PTPRR: variants seen among roughly 807,000 people sequenced by gnomAD.
PTPRR encodes protein tyrosine phosphatase receptor type R.
Under a neutral mutation model 77.2 loss-of-function variants are expected in PTPRR, and 38 were observed. The ratio of observed to expected loss-of-function variants is 0.49; its 90% CI spans 0.38 to 0.65. The LOEUF (loss-of-function observed/expected upper bound fraction) is 0.65, where lower values mean the gene tolerates loss of function less well. Among genes scored for constraint, PTPRR ranks in the 30% least tolerant of loss-of-function variants. The probability of loss-of-function intolerance (pLI) is 0.00; values close to 1 mark genes in which losing one functional copy is unlikely to be tolerated. For missense variants in PTPRR, 744 were observed against 799.2 expected, an observed-to-expected ratio of 0.93 and a Z score of 0.83; for synonymous variants, 299 against 283.1, an observed-to-expected ratio of 1.06 and a Z score of -0.57.
intron 2 of PTPRR, among the ~76,000 whole-genome samples, chr12:70,776,205 C>G (rs757200631): frequency 1.3e-5 from 2 of 152,152 alleles, no homozygotes; most frequent in Non-Finnish European, 2.9e-5. Flanking sequence ...CCCGACTCTT[C>G]TTTCTTTATT....
At chr12:70,848,710 A>C (rs1307322432) in intron 2 of PTPRR, among the ~76,000 whole-genome samples, 1 of 152,262 alleles carries the variant, frequency 6.6e-6, no homozygotes, top group Non-Finnish European at 1.5e-5. Flanking sequence ...CCATTTGGTT[A>C]TACTAAAAAT....
chr12:70,749,841 A>G (rs530533235), intron 5 of PTPRR, among the ~76,000 whole-genome samples: 4 of 152,226 alleles, frequency 2.6e-5, no homozygotes, highest in Non-Finnish European at 5.9e-5. Flanking sequence ...TCTGGCCTGT[A>G]GACATCTCTA....
Position 70,639,069 on chromosome 12 carries a change from A to G in PTPRR, c.*115T>C, listed in dbSNP as rs1451997185. 2.6e-5 allele frequency: 22 copies of G among 833,790 alleles called. No individual in the cohort carries two copies. The highest frequency in any genetic ancestry group is 4.1e-5 in the Non-Finnish European group (21 of 516,900). 51.6% of individuals were successfully genotyped at this position (833,790 alleles called of 1,614,324 possible). A position where few individuals can be genotyped will look rare whatever the true frequency, so the allele number is the denominator to read the frequency against. On this transcript the variant is annotated 3_prime_UTR_variant, in exon 14 of 14. Coordinates refer to ENST00000283228, the MANE Select transcript of PTPRR (RefSeq NM_002849.4). ...CAGTCTTCCACAATCCATGCCATAC[A>G]TGGGCTTCAGAGCTTCTCCTTCCTT...
At chr12:70,871,817 A>C (rs1365784227) in intron 2 of PTPRR, among the ~76,000 whole-genome samples, 1 of 152,194 alleles carries the variant, frequency 6.6e-6, no homozygotes, top group African/African-American at 2.4e-5. Flanking sequence ...CTGATAGTGA[A>C]ATTTTAGGCT....
intron 6 of PTPRR, among the ~76,000 whole-genome samples, chr12:70,713,199 T>G (rs78828141): frequency 0.012 from 1,862 of 152,290 alleles, 20 homozygotes; most frequent in South Asian, 0.028. Context: ...GTTTTCACGG[T>G]TCATCCATGT....
intron 2 of PTPRR, among the ~76,000 whole-genome samples, chr12:70,768,110 A>G (rs1187078713): frequency 1.3e-5 from 2 of 152,052 alleles, no homozygotes; most frequent in African/African-American, 4.8e-5. Flanking sequence ...AAGAACTAGA[A>G]AAGCAACAGC....
intron 2 of PTPRR, among the ~76,000 whole-genome samples, chr12:70,859,484 C>T (rs1004521059): frequency 6.6e-6 from 1 of 151,884 alleles, no homozygotes; most frequent in African/African-American, 2.4e-5. Context: ...GAGAAAAATG[C>T]TAATGAAGAA....
chr12:70,654,334 T>G (rs1278188851), intron 13 of PTPRR, among the ~76,000 whole-genome samples: 3 of 152,144 alleles, frequency 2.0e-5, no homozygotes, highest in Non-Finnish European at 4.4e-5. Context: ...TCCCGGCACT[T>G]TGGGAGGCCA....
intron 2 of PTPRR, among the ~76,000 whole-genome samples, chr12:70,833,271 G>T (rs567575913): frequency 8.1e-4 from 124 of 152,238 alleles, no homozygotes; most frequent in African/African-American, 2.9e-3. Flanking sequence ...AAGCATAGAG[G>T]TTGCCACTCA....
chr12:70,902,580 C>T (rs190312256), intron 1 of PTPRR, among the ~76,000 whole-genome samples: 7 of 151,804 alleles, frequency 4.6e-5, no homozygotes, highest in Non-Finnish European at 1.0e-4. Flanking sequence ...TAATGGCATT[C>T]GCAGCAACCT....
rs759459837 is a variant in PTPRR at position 70,639,152 on chromosome 12, A to G, written c.*32T>C. On this transcript the variant is annotated 3_prime_UTR_variant, in exon 14 of 14. Transcript: ENST00000283228. ...GTGGGTAATTTGATTAATCACCCCAAGAGATTGATGGTCTGACAAGTCTTC... is the reference window on the plus strand; with the variant it reads ...GTGGGTAATTTGATTAATCACCCCAGGAGATTGATGGTCTGACAAGTCTTC... The G allele has an allele frequency of 2.6e-6, 4 of 1,563,566 alleles. No individual in the cohort carries two copies. In the South Asian group the frequency reaches 4.4e-5, roughly 17 times the overall value.
At chr12:70,814,678 C>G (rs1419151725) in intron 2 of PTPRR, among the ~76,000 whole-genome samples, 2 of 152,086 alleles carry the variant, frequency 1.3e-5, no homozygotes, top group Non-Finnish European at 2.9e-5. Context: ...CTTAGAGATG[C>G]CTTCAAGACA....
intron 1 of PTPRR, among the ~76,000 whole-genome samples, chr12:70,912,811 T>C (rs996585118): frequency 3.9e-5 from 6 of 152,156 alleles, no homozygotes; most frequent in Non-Finnish European, 7.4e-5. Context: ...ACATAAGCAT[T>C]AGGAAATTTG....
At position 70,820,426 on chromosome 12, in the gene PTPRR, C is replaced by T. The variant is rs564356582; in HGVS notation, c.358-55648G>A. On this transcript the variant is annotated intron_variant, in intron 2 of 13. Transcript: ENST00000283228. ...TCGGCTCACTGCAAGCTCCGCTTCC[C>T]GAGTTCACGCCATTCTCCTGCCTCA... Among the ~76,000 whole-genome samples the T allele has an allele frequency of 5.9e-5, 9 of 152,132 alleles. No homozygotes were observed. In the East Asian group the frequency reaches 9.7e-4, roughly 16 times the overall value.
chr12:70,769,057 T>C (rs1485072365), intron 2 of PTPRR, among the ~76,000 whole-genome samples: 2 of 138,816 alleles, frequency 1.4e-5, no homozygotes, highest in African/African-American at 6.2e-5. Context: ...AATATCATAC[T>C]GAATGGGCAA....
At chr12:70,691,710 G>C (rs915629247) in intron 8 of PTPRR, among the ~76,000 whole-genome samples, 3 of 152,156 alleles carry the variant, frequency 2.0e-5, no homozygotes, top group Admixed American at 2.0e-4. Context: ...AGTCCGTGTA[G>C]AGTTTCTGTG....
chr12:70,765,837 A>T (rs1890806727), intron 2 of PTPRR, among the ~76,000 whole-genome samples: 1 of 152,222 alleles, frequency 6.6e-6, no homozygotes, highest in African/African-American at 2.4e-5. Flanking sequence ...ACGATCAGAC[A>T]GCAGCATTCG....
At chr12:70,821,101 C>T (rs1891999732) in intron 2 of PTPRR, among the ~76,000 whole-genome samples, 1 of 151,638 alleles carries the variant, frequency 6.6e-6, no homozygotes, top group Non-Finnish European at 1.5e-5. Flanking sequence ...AAATACTAGA[C>T]TGGTTGTCCA....
At chr12:70,860,456 G>C (rs1241566144) in intron 2 of PTPRR, among the ~76,000 whole-genome samples, 1 of 152,118 alleles carries the variant, frequency 6.6e-6, no homozygotes, top group Admixed American at 6.6e-5. Flanking sequence ...CAGGTAGACA[G>C]AAAGTTCACT....
Sources: gnomAD v4.1 joint callset for allele counts (sites outside exome capture counted in the v4.1 genomes callset) on GRCh38, gnomAD v4.1.1 for gene constraint, MANE v1.5 for transcripts, NCBI Gene and HGNC (gene_info 2026-07-23, HGNC 2026-07-21) for gene names.